Variants in TMEM164 observed in about 807,000 individuals in gnomAD.
The protein encoded by TMEM164 is RP13-360B22.2.
A neutral mutation model predicts 18.8 loss-of-function variants in TMEM164; 4 were observed. The observed-to-expected ratio is 0.21, with a 90% CI of 0.10 to 0.49. TMEM164 has a LOEUF of 0.49. TMEM164 is among the 20% of genes least tolerant of loss of function. The pLI, the probability that TMEM164 is intolerant of heterozygous loss-of-function variation, is 0.98. For missense variants in TMEM164, 108 were observed against 239.9 expected (o/e 0.45, Z 3.63); for synonymous variants, 86 against 101.7 (o/e 0.85, Z 0.93).
rs191226891 is a variant in TMEM164, at chrX:110,038,695, C to T, written c.391-28652C>T. Among the ~76,000 whole-genome samples, 448 of 109,820 alleles carry T rather than the reference C, an allele frequency of 4.1e-3. 1 individual carries two copies. The highest frequency in any genetic ancestry group is 0.014 in the African/African-American group (409 of 30,066). ...CACCCAACCTTACCTCACCTTACCC[C>T]ACCTTACCCCACCATACCTCACCTC... On this transcript the variant is annotated intron_variant, in intron 2 of 6. Transcript: ENST00000372068.
intron 2 of TMEM164, among the ~76,000 whole-genome samples, chrX:110,056,108 A>G (rs1310523753): frequency 9.0e-6 from 1 of 111,418 alleles, no homozygotes; most frequent in Non-Finnish European, 1.9e-5. Context: ...TGCAACCACC[A>G]CCACAGTCAA....
At chrX:110,116,853 CGCGTGT>C (rs1358953194) in intron 4 of TMEM164, among the ~76,000 whole-genome samples, 1 of 91,259 alleles carries the variant, frequency 1.1e-5, no homozygotes, top group African/African-American at 4.1e-5. Flanking sequence ...TGTGTGTGTG[CGCGTGT>C]GCGTGTGTGT....
At chrX:110,010,680 C>G (rs1932955152) in intron 2 of TMEM164, among the ~76,000 whole-genome samples, 1 of 111,735 alleles carries the variant, frequency 8.9e-6, no homozygotes, top group African/African-American at 3.3e-5. Context: ...AGTGCCCATC[C>G]TAATTGAGCA....
chrX:110,135,600 C>T (rs1001078299), intron 4 of TMEM164, among the ~76,000 whole-genome samples: 7 of 111,511 alleles, frequency 6.3e-5, no homozygotes, highest in African/African-American at 2.0e-4. Context: ...GTTTCTTCTT[C>T]GGTGTACTGT....
intron 3 of TMEM164, among the ~76,000 whole-genome samples, chrX:110,095,725 A>G (rs1481398016): frequency 8.9e-6 from 1 of 112,552 alleles, no homozygotes; most frequent in Non-Finnish European, 1.9e-5. Context: ...TTCCATTGCT[A>G]GCGAGGAGCT....
intron 5 of TMEM164, among the ~76,000 whole-genome samples, chrX:110,163,619 A>T (rs1029696473): frequency 8.9e-6 from 1 of 112,325 alleles, no homozygotes; most frequent in Non-Finnish European, 1.9e-5. Flanking sequence ...CAGATGGGGA[A>T]GTGAGGTCAA....
chrX:110,043,489 T>C (rs1284435775), intron 2 of TMEM164, among the ~76,000 whole-genome samples: 1 of 111,870 alleles, frequency 8.9e-6, no homozygotes, highest in African/African-American at 3.3e-5. Flanking sequence ...TGGAATTTAC[T>C]TACTGAATGT....
In TMEM164 at chrX:110,113,078, A is replaced by C. The variant is rs184682836; in HGVS notation, c.507+3932A>C. Among the ~76,000 whole-genome samples, 14 of 110,587 alleles carry C rather than the reference A, an allele frequency of 1.3e-4. No individual in the cohort carries two copies. The East Asian group carries it at 4.0e-3, about 31-fold the overall frequency. ...TTCCTCCTTCCTTTTCCGCCATCTC[A>C]TAGCAGATGTGCTGGTGTATCTGTT... On this transcript the variant is annotated intron_variant, in intron 4 of 6. Transcript: ENST00000372068.
At chrX:110,036,398 A>G (rs1387178031) in intron 2 of TMEM164, among the ~76,000 whole-genome samples, 1 of 111,918 alleles carries the variant, frequency 8.9e-6, no homozygotes, top group African/African-American at 3.3e-5. Context: ...TGTGGTATTT[A>G]TGTCTTTCTG....
At chrX:110,115,820 T>C (rs781044197) in intron 4 of TMEM164, among the ~76,000 whole-genome samples, 1 of 112,345 alleles carries the variant, frequency 8.9e-6, no homozygotes, top group Admixed American at 9.4e-5. Flanking sequence ...TTGGGCATGG[T>C]GGCTCATACC....
At chrX:110,108,878 T>A (rs1299784860) in intron 3 of TMEM164, among the ~76,000 whole-genome samples, 2 of 112,330 alleles carry the variant, frequency 1.8e-5, no homozygotes, top group Non-Finnish European at 3.8e-5. Context: ...GAGCCAGTGA[T>A]GGTGCTCTTC....
At chrX:110,130,180 C>A (rs2066592728) in intron 4 of TMEM164, among the ~76,000 whole-genome samples, 1 of 111,808 alleles carries the variant, frequency 8.9e-6, no homozygotes, top group Non-Finnish European at 1.9e-5. Context: ...GAAAGAATAG[C>A]TCAATAGCAG....
intron 5 of TMEM164, among the ~76,000 whole-genome samples, chrX:110,159,726 G>A (rs1251591450): frequency 7.2e-5 from 8 of 111,417 alleles, no homozygotes; most frequent in Non-Finnish European, 1.1e-4. Context: ...AAGAGTAAAC[G>A]TCTAGAAGCA....
At chrX:110,182,938 G>A (rs749989761), downstream of TMEM164, among the ~76,000 whole-genome samples, 1 of 111,870 alleles carries the variant, frequency 8.9e-6, no homozygotes, top group Non-Finnish European at 1.9e-5. Context: ...GTCACAGGAA[G>A]CCGCTTTTGG....
rs922084117 is a variant in TMEM164 at position 110,173,755 on chromosome X, G to A, written c.*304G>A. The A allele has an allele frequency of 2.5e-4, 71 of 284,583 alleles. No individual in the cohort carries two copies. Among genetic ancestry groups the A allele is most frequent in the Admixed American group, 3.7e-4 (6 of 16,362 alleles). The allele number at this position is 284,583 out of a possible 1,213,427, so 23.5% of individuals were successfully genotyped here. On this transcript the variant is annotated 3_prime_UTR_variant, in exon 7 of 7. Coordinates refer to ENST00000372068, the MANE Select transcript of TMEM164 (RefSeq NM_032227.4). Reference sequence around the variant, plus strand: ...GAGCGGCTCTTTCACTCTGCTTGTCGGTGCTTTAACAACAGCTGGTTGAGG... The same window carrying A: ...GAGCGGCTCTTTCACTCTGCTTGTCAGTGCTTTAACAACAGCTGGTTGAGG...
chrX:110,152,159 G>A (rs1479673677), intron 5 of TMEM164, among the ~76,000 whole-genome samples: 2 of 106,514 alleles, frequency 1.9e-5, no homozygotes, highest in East Asian at 3.0e-4. Flanking sequence ...GGGTTCAAGC[G>A]ATTCTCCTGC....
chrX:110,002,749 C>G (rs904999264), upstream of TMEM164: 4 of 110,503 alleles, frequency 3.6e-5, no homozygotes, highest in African/African-American at 1.3e-4. Flanking sequence ...GTAGCCCGAT[C>G]CGGGGCCGCG....
At chrX:110,139,335 G>A (rs781058587) in intron 4 of TMEM164, among the ~76,000 whole-genome samples, 149 of 111,347 alleles carry the variant, frequency 1.3e-3, no homozygotes, top group Non-Finnish European at 2.3e-3. Flanking sequence ...GTGCAGGGAG[G>A]AGGGAGGTAT....
intron 4 of TMEM164, among the ~76,000 whole-genome samples, chrX:110,111,088 A>G (rs2066283947): frequency 8.9e-6 from 1 of 112,111 alleles, no homozygotes; most frequent in Non-Finnish European, 1.9e-5. Flanking sequence ...ACTTGGTTCA[A>G]CATTCCCCTG....
Sources: gnomAD v4.1 joint callset for allele counts (sites outside exome capture counted in the v4.1 genomes callset) on GRCh38, gnomAD v4.1.1 for gene constraint, MANE v1.5 for transcripts, NCBI Gene and HGNC (gene_info 2026-07-23, HGNC 2026-07-21) for gene names.